FGF14: variants seen among roughly 807,000 people sequenced by gnomAD.
The protein encoded by FGF14 is fibroblast growth factor homologous factor 4.
FGF14 carries 5 observed loss-of-function variants against 25.5 expected under a neutral mutation model. That is an observed-to-expected ratio of 0.20 (90% CI 0.10 to 0.41). FGF14 has a LOEUF of 0.41. FGF14 is among the 10% of genes least tolerant of loss of function. The probability of loss-of-function intolerance (pLI) is 1.00; values close to 1 mark genes in which losing one functional copy is unlikely to be tolerated. For missense variants in FGF14, 222 were observed against 320.1 expected, an observed-to-expected ratio of 0.69 and a Z score of 2.34; for synonymous variants, 138 against 118.3, an observed-to-expected ratio of 1.17 and a Z score of -1.08.
chr13:102,341,261 G>A (rs575132553), intron 1 of FGF14, among the ~76,000 whole-genome samples: 16 of 152,286 alleles, frequency 1.1e-4, no homozygotes, highest in African/African-American at 3.8e-4. Flanking sequence ...GACTAGAGAA[G>A]AGTAAGAGGA....
chr13:101,857,866 A>G (rs141755866), intron 3 of FGF14, among the ~76,000 whole-genome samples: 12 of 152,040 alleles, frequency 7.9e-5, no homozygotes, highest in Admixed American at 7.9e-4. Context: ...TAAAATCCAT[A>G]GAAACAAACA....
rs370480237 is a variant in FGF14, at chr13:101,740,677, G to A, written c.409-13867C>T. On this transcript the variant is annotated intron_variant, in intron 3 of 4. Transcript: ENST00000376143. ...TTGTATTCTTGGGCAAAAAAAAAGC[G>A]TAAGAGTATAACATAAGTTTCCAGA... Among the ~76,000 whole-genome samples, 35 of 152,100 alleles carry A rather than the reference G, an allele frequency of 2.3e-4. No homozygotes were observed. In the East Asian group the frequency reaches 4.3e-3, roughly 18 times the overall value.
intron 3 of FGF14, among the ~76,000 whole-genome samples, chr13:101,832,571 C>T (rs1449311138): frequency 1.3e-5 from 2 of 151,948 alleles, no homozygotes; most frequent in South Asian, 2.1e-4. Flanking sequence ...TGACCTGCAG[C>T]ATGGTTGGCA....
At chr13:102,207,019 T>C (rs1166920357) in intron 1 of FGF14, among the ~76,000 whole-genome samples, 1 of 151,986 alleles carries the variant, frequency 6.6e-6, no homozygotes, top group Non-Finnish European at 1.5e-5. Context: ...CAATGGCTCA[T>C]ACCTGTAATC....
intron 1 of FGF14, among the ~76,000 whole-genome samples, chr13:102,197,709 TAA>T (rs2140861441): frequency 6.6e-6 from 1 of 152,148 alleles, no homozygotes; most frequent in South Asian, 2.1e-4. Flanking sequence ...ATACGTAGCA[TAA>T]CACACGTATA....
At chr13:101,880,288 C>T (rs2045629749) in intron 1 of FGF14, among the ~76,000 whole-genome samples, 1 of 152,124 alleles carries the variant, frequency 6.6e-6, no homozygotes, top group Non-Finnish European at 1.5e-5. Flanking sequence ...AACAAACAGG[C>T]CAGGCACAGT....
At chr13:101,840,833 T>C (rs2043160332) in intron 3 of FGF14, among the ~76,000 whole-genome samples, 1 of 152,022 alleles carries the variant, frequency 6.6e-6, no homozygotes, top group African/African-American at 2.4e-5. Flanking sequence ...GTTTTTACAA[T>C]GGATAATAAA....
intron 1 of FGF14, among the ~76,000 whole-genome samples, chr13:102,237,585 G>GAAAAA (rs3066871): frequency 2.9e-5 from 4 of 135,596 alleles, no homozygotes; most frequent in Non-Finnish European, 4.7e-5. Context: ...TTACACTTCA[G>GAAAAA]AAAAAAAAAA....
chr13:101,822,609 T>A (rs2042211704), intron 3 of FGF14, among the ~76,000 whole-genome samples: 1 of 152,138 alleles, frequency 6.6e-6, no homozygotes, highest in East Asian at 1.9e-4. Context: ...GACTATGGCA[T>A]GTTTGTACAT....
intron 1 of FGF14, among the ~76,000 whole-genome samples, chr13:102,163,194 T>C (rs918783560): frequency 6.6e-6 from 1 of 152,192 alleles, no homozygotes; most frequent in Non-Finnish European, 1.5e-5. Context: ...CTGTCATAGA[T>C]GAATTATACC....
At chr13:102,126,145 C>T (rs2045939265) in intron 1 of FGF14, among the ~76,000 whole-genome samples, 1 of 150,178 alleles carries the variant, frequency 6.7e-6, no homozygotes, top group Admixed American at 6.7e-5. Flanking sequence ...ATTGTACAAC[C>T]ATCACCACTA....
At chr13:101,729,082 AC>A (rs1357656717) in intron 3 of FGF14, among the ~76,000 whole-genome samples, 1 of 152,064 alleles carries the variant, frequency 6.6e-6, no homozygotes, top group Non-Finnish European at 1.5e-5. Flanking sequence ...TGAAATGTTC[AC>A]ATCATAGGAC....
Position 101,720,234 on chromosome 13 carries a change from C to G in FGF14, c.*2597G>C, listed in dbSNP as rs562638554. On this transcript the variant is annotated 3_prime_UTR_variant, in exon 5 of 5. Coordinates refer to ENST00000376143, the MANE Select transcript of FGF14 (RefSeq NM_004115.4). ...TCATCATTGCTGTCCTCTTCCCATG[C>G]TACAGGTGAGACCAGACACAAAGTA... The G allele has an allele frequency of 1.2e-4, 18 of 152,154 alleles. No homozygotes were observed. The highest frequency in any genetic ancestry group is 4.1e-4 in the African/African-American group (17 of 41,536). The allele number at this position is 152,154 out of a possible 1,614,324, so 9.4% of individuals were successfully genotyped here. A position where few individuals can be genotyped will look rare whatever the true frequency, so the allele number is the denominator to read the frequency against.
chr13:102,004,565 G>A (rs535686801), intron 1 of FGF14, among the ~76,000 whole-genome samples: 9 of 152,254 alleles, frequency 5.9e-5, no homozygotes, highest in East Asian at 1.9e-4. Context: ...ATAGTCCCTC[G>A]ATGCACCAAT....
At chr13:102,135,021 A>T (rs2046349629) in intron 1 of FGF14, among the ~76,000 whole-genome samples, 1 of 53,882 alleles carries the variant, frequency 1.9e-5, no homozygotes, top group African/African-American at 1.2e-4. Flanking sequence ...CCGTGTCCAC[A>T]CACACACACA....
At chr13:101,930,738 T>C (rs2034699219) in intron 1 of FGF14, among the ~76,000 whole-genome samples, 1 of 152,226 alleles carries the variant, frequency 6.6e-6, no homozygotes, top group Non-Finnish European at 1.5e-5. Flanking sequence ...CTAATACTGC[T>C]AATCCCTCTA....
At chr13:101,850,141 T>A (rs891281279) in intron 3 of FGF14, among the ~76,000 whole-genome samples, 1 of 151,266 alleles carries the variant, frequency 6.6e-6, no homozygotes. Flanking sequence ...GATATAATAT[T>A]TAAGTGTTCT....
intron 1 of FGF14, among the ~76,000 whole-genome samples, chr13:102,353,192 G>A (rs1190147265): frequency 6.6e-6 from 1 of 152,158 alleles, no homozygotes; most frequent in African/African-American, 2.4e-5. Context: ...AGAGCAGTGA[G>A]GCATAAAGAA....
intron 1 of FGF14, among the ~76,000 whole-genome samples, chr13:102,258,061 T>C (rs1187431432): frequency 6.6e-6 from 1 of 152,110 alleles, no homozygotes; most frequent in Non-Finnish European, 1.5e-5. Context: ...AGGCATGTCT[T>C]ACATGGCAGC....
Sources: gnomAD v4.1 joint callset for allele counts (sites outside exome capture counted in the v4.1 genomes callset) on GRCh38, gnomAD v4.1.1 for gene constraint, MANE v1.5 for transcripts, NCBI Gene and HGNC (gene_info 2026-07-23, HGNC 2026-07-21) for gene names.